Variants in CDH18 observed in about 807,000 individuals in gnomAD.
The protein encoded by CDH18 is cadherin-18.
Under a neutral mutation model 67.9 loss-of-function variants are expected in CDH18, and 31 were observed. The observed-to-expected ratio is 0.46, with a 90% CI of 0.34 to 0.62. The LOEUF is 0.62. Among genes scored for constraint, CDH18 ranks in the 20% least tolerant of loss-of-function variants. CDH18 has a pLI of 0.01. For missense variants in CDH18, 890 were observed against 975.5 expected, an observed-to-expected ratio of 0.91 and a Z score of 1.17; for synonymous variants, 362 against 347.2, an observed-to-expected ratio of 1.04 and a Z score of -0.48.
chr5:19,760,355 C>A (rs62353613), intron 3 of CDH18, among the ~76,000 whole-genome samples: 17,386 of 152,092 alleles, frequency 0.11, 1,083 homozygotes, highest in Admixed American at 0.15. Flanking sequence ...ATGAGTAGGT[C>A]TAAAGTGACT....
intron 2 of CDH18, among the ~76,000 whole-genome samples, chr5:19,911,018 A>G (rs1319637787): frequency 6.6e-6 from 1 of 152,120 alleles, no homozygotes; most frequent in Non-Finnish European, 1.5e-5. Flanking sequence ...GAAAATTTTC[A>G]GGTAGAGAGA....
chr5:20,340,524 G>A (rs76339530), intron 1 of CDH18, among the ~76,000 whole-genome samples: 7 of 152,132 alleles, frequency 4.6e-5, no homozygotes, highest in African/African-American at 1.4e-4. Flanking sequence ...TCTCCTTGAC[G>A]CTGTCCAGCC....
At chr5:19,848,553 T>A (rs1043591965) in intron 2 of CDH18, among the ~76,000 whole-genome samples, 1 of 152,132 alleles carries the variant, frequency 6.6e-6, no homozygotes, top group Non-Finnish European at 1.5e-5. Context: ...TTCTACCATA[T>A]TGTTAATATA....
intron 10 of CDH18, among the ~76,000 whole-genome samples, chr5:19,515,006 C>T (rs1035914350): frequency 4.6e-5 from 7 of 152,184 alleles, no homozygotes; most frequent in African/African-American, 1.7e-4. Flanking sequence ...TTTAATCCAT[C>T]TCGAATTAAT....
intron 1 of CDH18, among the ~76,000 whole-genome samples, chr5:20,538,946 T>G (rs955308415): frequency 4.6e-5 from 6 of 129,896 alleles, no homozygotes; most frequent in Admixed American, 1.0e-4. Context: ...TGGAGTGCAG[T>G]GTCACGATCT....
At chr5:19,548,317 AT>A (rs2127117561) in intron 8 of CDH18, among the ~76,000 whole-genome samples, 1 of 147,540 alleles carries the variant, frequency 6.8e-6, no homozygotes, top group African/African-American at 2.5e-5. Flanking sequence ...AAAAAAAAAA[AT>A]TCTAGGTTAC....
At chr5:19,549,006 T>A (rs1223315702) in intron 8 of CDH18, among the ~76,000 whole-genome samples, 1 of 152,116 alleles carries the variant, frequency 6.6e-6, no homozygotes, top group Non-Finnish European at 1.5e-5. Context: ...TGCCTCGGCC[T>A]CCCAAAGTGC....
chr5:19,941,591 A>T (rs1794823687), intron 2 of CDH18, among the ~76,000 whole-genome samples: 2 of 151,884 alleles, frequency 1.3e-5, no homozygotes, highest in South Asian at 4.2e-4. Context: ...AGAACAACCT[A>T]GGCAACATAG....
At chr5:19,787,011 G>A (rs888799436) in intron 3 of CDH18, among the ~76,000 whole-genome samples, 42 of 152,070 alleles carry the variant, frequency 2.8e-4, no homozygotes, top group Non-Finnish European at 1.8e-4. Context: ...CCCTACAGAC[G>A]GGATATTTGA....
At chr5:20,507,327 T>C (rs1171736035) in intron 1 of CDH18, among the ~76,000 whole-genome samples, 1 of 152,186 alleles carries the variant, frequency 6.6e-6, no homozygotes, top group Non-Finnish European at 1.5e-5. Flanking sequence ...ACATCCCCAG[T>C]GTTGAAAAGG....
rs1430247716 is a variant in CDH18, at chr5:19,679,032, A to C, written c.643+42315T>G. Among the ~76,000 whole-genome samples the C allele has an allele frequency of 2.6e-5, 4 of 152,064 alleles. No homozygotes were observed. In the East Asian group the frequency reaches 7.7e-4, roughly 29 times the overall value. On this transcript the variant is annotated intron_variant, in intron 5 of 12. Transcript: ENST00000382275. ...TGAGACCAATATCCTTGATGAACATAAATGTAAAAATCCTCAACAAAATAC... is the reference window on the plus strand; with the variant it reads ...TGAGACCAATATCCTTGATGAACATCAATGTAAAAATCCTCAACAAAATAC...
chr5:20,565,817 T>A (rs2471122), intron 1 of CDH18, among the ~76,000 whole-genome samples: 41,628 of 151,644 alleles, frequency 0.27, 7,205 homozygotes, highest in African/African-American at 0.49. Context: ...TGAACACACT[T>A]TTCTGTCAAC....
intron 2 of CDH18, among the ~76,000 whole-genome samples, chr5:20,115,380 G>A (rs547644302): frequency 1.8e-4 from 25 of 137,898 alleles, no homozygotes; most frequent in African/African-American, 6.7e-4. Flanking sequence ...CTGGGTTCAA[G>A]CAATTCTCCT....
intron 2 of CDH18, among the ~76,000 whole-genome samples, chr5:20,081,237 G>C (rs1744441936): frequency 6.6e-6 from 1 of 152,020 alleles, no homozygotes; most frequent in African/African-American, 2.4e-5. Flanking sequence ...TACCCTTAAA[G>C]TTTTATATTT....
intron 5 of CDH18, among the ~76,000 whole-genome samples, chr5:19,679,424 A>G (rs1450712985): frequency 2.6e-5 from 4 of 152,002 alleles, no homozygotes; most frequent in Non-Finnish European, 5.9e-5. Flanking sequence ...TGCCACTCCT[A>G]TTCAACATAG....
chr5:20,014,072 T>C (rs563569206), intron 2 of CDH18, among the ~76,000 whole-genome samples: 169 of 152,220 alleles, frequency 1.1e-3, no homozygotes, highest in African/African-American at 3.6e-3. Flanking sequence ...CTGATACTTA[T>C]AGAAAATAAG....
intron 5 of CDH18, among the ~76,000 whole-genome samples, chr5:19,656,318 T>C (rs1756387679): frequency 6.6e-6 from 1 of 152,234 alleles, no homozygotes. Context: ...ATTTAAAACA[T>C]TCAGAATCAA....
intron 2 of CDH18, among the ~76,000 whole-genome samples, chr5:20,140,873 C>T (rs1750191801): frequency 6.6e-6 from 1 of 152,126 alleles, no homozygotes; most frequent in African/African-American, 2.4e-5. Flanking sequence ...ACATACATTT[C>T]CATCAAACTT....
At chr5:20,031,619 T>A (rs1739406381) in intron 2 of CDH18, among the ~76,000 whole-genome samples, 1 of 152,044 alleles carries the variant, frequency 6.6e-6, no homozygotes, top group South Asian at 2.1e-4. Flanking sequence ...AAGATACTCA[T>A]GCATACACTA....
Sources: allele counts gnomAD v4.1 joint callset (sites outside exome capture counted in the v4.1 genomes callset), GRCh38; gene constraint gnomAD v4.1.1; transcripts MANE v1.5; gene names NCBI Gene and HGNC (gene_info 2026-07-23, HGNC 2026-07-21).